The following SV2B variants were observed in gnomAD, a reference collection of about 807,000 sequenced individuals.
SV2B encodes solute carrier family 22 member B2.
SV2B carries 41 observed loss-of-function variants against 73.9 expected under a neutral mutation model. That is an observed-to-expected ratio of 0.56 (90% CI 0.43 to 0.72). The LOEUF is 0.72. Ranked by LOEUF, SV2B falls within the 30% of genes least tolerant of loss-of-function variation. The pLI, the probability that SV2B is intolerant of heterozygous loss-of-function variation, is 0.00. For missense variants in SV2B, 764 were observed against 857.8 expected (o/e 0.89, Z 1.37); for synonymous variants, 314 against 314.2 (o/e 1.00, Z 0.01).
At chr15:91,181,781 G>T (rs2044584753) in intron 1 of SV2B, among the ~76,000 whole-genome samples, 1 of 151,504 alleles carries the variant, frequency 6.6e-6, no homozygotes, top group South Asian at 2.1e-4. Flanking sequence ...TTTCATGTAG[G>T]AGTCATGGTT....
At chr15:91,177,100 T>TCC (rs1172843070) in intron 1 of SV2B, among the ~76,000 whole-genome samples, 2 of 149,398 alleles carry the variant, frequency 1.3e-5, no homozygotes, top group African/African-American at 5.0e-5. Context: ...AGTTTCAGCT[T>TCC]TCAACATATG....
Position 91,266,000 on chromosome 15 carries a change from G to A in SV2B, c.1009-582G>A, listed in dbSNP as rs2048087123. On this transcript the variant is annotated intron_variant, in intron 6 of 12. Transcript: ENST00000394232. This position sits in a 1 kb window ranked among gnomAD's most constrained non-coding sequence, Gnocchi z 4.2. ...TATTAAAAAATACAAAAAATTAGCT[G>A]GGTGTGGTGGTGCAGGCATGTAGTC... is the stretch of plus-strand genomic sequence containing the variant. Among the ~76,000 whole-genome samples the A allele has an allele frequency of 6.6e-6, 1 of 152,126 alleles. No homozygotes were observed. Among genetic ancestry groups the A allele is most frequent in the African/African-American group, 2.4e-5 (1 of 41,432 alleles).
rs142042281 is a variant in SV2B at position 91,270,658 on chromosome 15, A to G, written c.1373+2053A>G. ...AGTTCTGACACTTAGCTAGGCAGAAAGTGGAGACTTTTGATCCACTCTGTC... is the reference window on the plus strand; with the variant it reads ...AGTTCTGACACTTAGCTAGGCAGAAGGTGGAGACTTTTGATCCACTCTGTC... On this transcript the variant is annotated intron_variant, in intron 9 of 12. Coordinates refer to ENST00000394232, the MANE Select transcript of SV2B (RefSeq NM_001323032.3). 2.7e-3 allele frequency among the ~76,000 whole-genome samples: 419 copies of G among 152,390 alleles called. 2 individuals are homozygous for G. Among genetic ancestry groups the G allele is most frequent in the African/African-American group, 7.9e-3 (330 of 41,596 alleles).
chr15:91,152,059 T>A (rs1350194020), intron 1 of SV2B, among the ~76,000 whole-genome samples: 1 of 143,288 alleles, frequency 7.0e-6, no homozygotes, highest in Non-Finnish European at 1.5e-5. Flanking sequence ...TCAATCTGAG[T>A]TAATTTTTAC....
intron 9 of SV2B, among the ~76,000 whole-genome samples, chr15:91,279,242 A>C (rs1246887860): frequency 6.6e-6 from 1 of 152,198 alleles, no homozygotes; most frequent in Non-Finnish European, 1.5e-5. Flanking sequence ...TTATCTCTTT[A>C]ATTAGACTGA....
chr15:91,109,122 A>G (rs1241130219), intron 1 of SV2B, among the ~76,000 whole-genome samples: 3 of 152,182 alleles, frequency 2.0e-5, no homozygotes, highest in East Asian at 1.9e-4. Context: ...TCCTGTGCCC[A>G]TTTTACAGAT....
chr15:91,231,261 G>A lies in SV2B; in HGVS notation c.451+4547G>A, dbSNP rs947401062. On this transcript the variant is annotated intron_variant, in intron 2 of 12. Coordinates refer to ENST00000394232, the MANE Select transcript of SV2B (RefSeq NM_001323032.3). This position sits in a 1 kb window ranked among gnomAD's most constrained non-coding sequence, Gnocchi z 4.5. ...CGGACTTGATTCCACTGGTAGTGGAGAGCTGTTTAATGGGGAGCTATGAAA... is the reference window on the plus strand; with the variant it reads ...CGGACTTGATTCCACTGGTAGTGGAAAGCTGTTTAATGGGGAGCTATGAAA... Among the ~76,000 whole-genome samples, 3 of 152,136 alleles carry A rather than the reference G, an allele frequency of 2.0e-5. No individual in the cohort carries two copies. Among genetic ancestry groups the A allele is most frequent in the Non-Finnish European group, 2.9e-5 (2 of 68,034 alleles).
At chr15:91,148,947 A>G (rs2043226667) in intron 1 of SV2B, among the ~76,000 whole-genome samples, 1 of 152,248 alleles carries the variant, frequency 6.6e-6, no homozygotes, top group South Asian at 2.1e-4. Flanking sequence ...AATCTCATCC[A>G]GAAACACCAT....
intron 9 of SV2B, among the ~76,000 whole-genome samples, chr15:91,279,594 A>G (rs1337045932): frequency 6.6e-6 from 1 of 152,164 alleles, no homozygotes; most frequent in Non-Finnish European, 1.5e-5. Context: ...CTTCCCTTAT[A>G]ACTCTGGCTT....
Position 91,297,107 on chromosome 15 carries a change from C to G in SV2B, c.*4555C>G, listed in dbSNP as rs2049281131. Reference sequence around the variant, plus strand: ...GCTCCTTCTGCCTGATCGTTGGGAGCACGCTCCTTCTGCCTGATTGTTGGA... The same window carrying G: ...GCTCCTTCTGCCTGATCGTTGGGAGGACGCTCCTTCTGCCTGATTGTTGGA... On this transcript the variant is annotated 3_prime_UTR_variant, in exon 13 of 13. Transcript: ENST00000394232. The surrounding 1 kb of genome is among the most constrained non-coding windows in gnomAD (Gnocchi z 5.1). 6.4e-6 allele frequency: 1 copy of G among 155,494 alleles called. No individual in the cohort carries two copies. Among genetic ancestry groups the G allele is most frequent in the Non-Finnish European group, 1.4e-5 (1 of 70,128 alleles). 9.6% of individuals were successfully genotyped at this position (155,494 alleles called of 1,614,324 possible). A position where few individuals can be genotyped will look rare whatever the true frequency, so the allele number is the denominator to read the frequency against.
chr15:91,220,018 T>C lies in SV2B; in HGVS notation c.-391-5855T>C, dbSNP rs186180994. 3.9e-5 allele frequency among the ~76,000 whole-genome samples: 6 copies of C among 152,360 alleles called. No homozygotes were observed. The highest frequency in any genetic ancestry group is 3.9e-4 in the Admixed American group (6 of 15,302). The stretch of plus-strand genomic sequence containing the variant: ...GCACTTGGTTTATCCATTCATCAGC[T>C]GGTGGACATTTGTACTGTTCCCAGT... On this transcript the variant is annotated intron_variant, in intron 1 of 12. Coordinates refer to ENST00000394232, the MANE Select transcript of SV2B (RefSeq NM_001323032.3). This position sits in a 1 kb window ranked among gnomAD's most constrained non-coding sequence, Gnocchi z 4.1.
chr15:91,249,713 A>G lies in SV2B; in HGVS notation c.452-2106A>G, dbSNP rs191434396. On this transcript the variant is annotated intron_variant, in intron 2 of 12. Transcript: ENST00000394232. ...AACTGATACCACAGAAATATGAAGG[A>G]TCACAGGAGATTATTATGAAAAATT... 2.6e-5 allele frequency among the ~76,000 whole-genome samples: 4 copies of G among 152,372 alleles called. No individual in the cohort carries two copies. The East Asian group carries it at 7.7e-4, about 29-fold the overall frequency.
At chr15:91,279,757 T>C (rs953010040) in intron 9 of SV2B, among the ~76,000 whole-genome samples, 1 of 152,176 alleles carries the variant, frequency 6.6e-6, no homozygotes, top group South Asian at 2.1e-4. Context: ...GAGAAGGATA[T>C]ATTAAGAAAA....
chr15:91,284,315 A>G lies in SV2B; in HGVS notation c.1708+94A>G. The G allele has an allele frequency of 7.2e-7, 1 of 1,391,586 alleles. No individual in the cohort carries two copies. The highest frequency in any genetic ancestry group is 2.4e-5 in the East Asian group (1 of 42,492). The allele number at this position is 1,391,586 out of a possible 1,614,324, so 86.2% of individuals were successfully genotyped here. On this transcript the variant is annotated intron_variant, in intron 11 of 12. Transcript: ENST00000394232. The surrounding 1 kb of genome is among the most constrained non-coding windows in gnomAD (Gnocchi z 4.5). ...AGGGAAATTTTCCCTTTTATTAAAT[A>G]ATTCTTGCACAACAAACCCAACAAG...
intron 1 of SV2B, among the ~76,000 whole-genome samples, chr15:91,212,091 G>A (rs947137126): frequency 2.2e-4 from 34 of 152,204 alleles, no homozygotes; most frequent in Non-Finnish European, 1.5e-5. Flanking sequence ...AATATGACCT[G>A]TTTCTAGATG....
intron 2 of SV2B, 36 bp downstream of exon 2, chr15:91,226,750 G>C: frequency 2.5e-6 from 4 of 1,579,738 alleles, no homozygotes; most frequent in Non-Finnish European, 2.6e-6. Flanking sequence ...TCCAATGAAA[G>C]GGAAGGAGAA....
rs190167046 is a variant in SV2B, at chr15:91,242,877, T to A, written c.452-8942T>A. 2.2e-4 allele frequency among the ~76,000 whole-genome samples: 34 copies of A among 152,274 alleles called. 1 individual carries two copies. The Middle Eastern group carries it at 0.01, about 46-fold the overall frequency. On this transcript the variant is annotated intron_variant, in intron 2 of 12. Transcript: ENST00000394232. This position sits in a 1 kb window ranked among gnomAD's most constrained non-coding sequence, Gnocchi z 4.9. The stretch of plus-strand genomic sequence containing the variant: ...TAGTAGTGTTTTAAAACTCAGAGAT[T>A]TTATTTAGCAATCTAGATTTCTGGT...
rs2048163281 is a variant in SV2B at position 91,267,937 on chromosome 15, G to C, written c.1208+294G>C. On this transcript the variant is annotated intron_variant, in intron 8 of 12. Transcript: ENST00000394232. The surrounding 1 kb of genome is among the most constrained non-coding windows in gnomAD (Gnocchi z 4.3). ...CCTGCCTCAGCCTCCCCAGTTGCTG[G>C]GACTACAGATGTGTGCCACCACACC... 6.6e-6 allele frequency among the ~76,000 whole-genome samples: 1 copy of C among 152,040 alleles called. No individual in the cohort carries two copies. The highest frequency in any genetic ancestry group is 1.5e-5 in the Non-Finnish European group (1 of 68,016).
intron 1 of SV2B, among the ~76,000 whole-genome samples, chr15:91,205,157 G>A (rs920275816): frequency 6.6e-6 from 1 of 152,046 alleles, no homozygotes; most frequent in Non-Finnish European, 1.5e-5. Flanking sequence ...TGTTGACTTG[G>A]TAAAATGCAC....
Sources: allele counts gnomAD v4.1 joint callset (sites outside exome capture counted in the v4.1 genomes callset), GRCh38; gene constraint gnomAD v4.1.1; non-coding constraint Gnocchi (gnomAD v3.1); transcripts MANE v1.5; gene names NCBI Gene and HGNC (gene_info 2026-07-23, HGNC 2026-07-21).